Variants in KMT5B observed in about 807,000 individuals in gnomAD.
KMT5B encodes the protein histone-lysine N-methyltransferase KMT5B.
Under a neutral mutation model 83.2 loss-of-function variants are expected in KMT5B, and 10 were observed. That is an observed-to-expected ratio of 0.12 (90% CI 0.07 to 0.20). The LOEUF (loss-of-function observed/expected upper bound fraction) is 0.20. Among genes scored for constraint, KMT5B ranks in the 10% least tolerant of loss-of-function variants. KMT5B has a pLI of 1.00. For synonymous variants in KMT5B, 349 were observed against 388.8 expected, an observed-to-expected ratio of 0.90 and a Z score of 1.20; for missense variants, 753 against 1,067.2, an observed-to-expected ratio of 0.71 and a Z score of 4.10.
At chr11:68,180,088 A>C (rs769979626) in intron 4 of KMT5B, 44 bp downstream of exon 4, 2 of 1,541,232 alleles carry the variant, frequency 1.3e-6, no homozygotes. Context: ...AAAGGCTAGA[A>C]TGGGTTAGTC....
At position 68,158,843 on chromosome 11, in the gene KMT5B, T is replaced by A; in HGVS notation, c.1503A>T (p.Gln501His). 6.2e-7 allele frequency: 1 copy of A among 1,614,196 alleles called. No individual in the cohort carries two copies. Among genetic ancestry groups the A allele is most frequent in the Non-Finnish European group, 8.5e-7 (1 of 1,180,044 alleles). ...KKDKEPEGPA[Q>H]AAVASGCLTR... Reference sequence around the variant, plus strand: ...TCAAGCACCCGCTGGCAACTGCGGCTTGGGCTGGTCCCTCTGGCTCCTTAT... The same window carrying A: ...TCAAGCACCCGCTGGCAACTGCGGCATGGGCTGGTCCCTCTGGCTCCTTAT... Residue 501 changes from glutamine to histidine, a missense_variant, in exon 11 of 11, where the codon CAA (glutamine) becomes CAT (histidine). By Grantham distance (24) the Gln-to-His change is conservative (BLOSUM62 0). Coordinates refer to ENST00000304363, the MANE Select transcript of KMT5B (RefSeq NM_017635.5).
intron 1 of KMT5B, among the ~76,000 whole-genome samples, chr11:68,201,238 G>A (rs1859406460): frequency 6.6e-6 from 1 of 152,248 alleles, no homozygotes; most frequent in African/African-American, 2.4e-5. Context: ...GTTGCTGGGG[G>A]GAAGGATAAC....
intron 9 of KMT5B, 117 bp downstream of exon 9, chr11:68,170,897 TA>T: frequency 8.8e-7 from 1 of 1,135,256 alleles, no homozygotes. Context: ...GCCGCTATGC[TA>T]AAGAACATAA....
At chr11:68,180,347 G>GC (rs1220335965) in intron 3 of KMT5B, 147 bp from the exon 4 acceptor site, 2 of 1,055,130 alleles carry the variant, frequency 1.9e-6, no homozygotes, top group African/African-American at 3.2e-5. Flanking sequence ...CCACAGGTGG[G>GC]CGCGGCAGGA....
chr11:68,172,321 C>T (rs928237400), intron 6 of KMT5B, among the ~76,000 whole-genome samples: 7 of 152,094 alleles, frequency 4.6e-5, no homozygotes, highest in African/African-American at 1.4e-4. Flanking sequence ...CAACCTCTGC[C>T]TCCTGAGTTC....
At chr11:68,185,576 G>A (rs1281083086) in intron 3 of KMT5B, among the ~76,000 whole-genome samples, 2 of 152,202 alleles carry the variant, frequency 1.3e-5, no homozygotes, top group Non-Finnish European at 2.9e-5. Flanking sequence ...ATGTTCTGAG[G>A]TAAAATAAGA....
intron 1 of KMT5B, among the ~76,000 whole-genome samples, chr11:68,210,871 G>C (rs1431509701): frequency 6.6e-6 from 1 of 152,174 alleles, no homozygotes; most frequent in Non-Finnish European, 1.5e-5. Context: ...CCACGGAGAA[G>C]GATTTTGCCA....
chr11:68,167,896 G>T (rs1369221277), intron 9 of KMT5B, among the ~76,000 whole-genome samples: 2 of 152,184 alleles, frequency 1.3e-5, no homozygotes, highest in East Asian at 3.8e-4. Context: ...AGTGGGCCAG[G>T]CATGGTGGCT....
chr11:68,209,421 A>T (rs1216553412), intron 1 of KMT5B, among the ~76,000 whole-genome samples: 1 of 152,170 alleles, frequency 6.6e-6, no homozygotes, highest in Admixed American at 6.6e-5. Flanking sequence ...AGGGGAAAAA[A>T]AGTTAACAGG....
At chr11:68,162,455 TAAG>T (rs1459843350) in intron 10 of KMT5B, among the ~76,000 whole-genome samples, 1 of 152,206 alleles carries the variant, frequency 6.6e-6, no homozygotes, top group African/African-American at 2.4e-5. Context: ...CATCCCCCTG[TAAG>T]ACTCAGCTTA....
At chr11:68,165,862 C>CT in intron 10 of KMT5B, 11 of 1,612,874 alleles carry the variant, frequency 6.8e-6, no homozygotes, top group South Asian at 1.1e-5. Context: ...TGCTTGGACT[C>CT]TGACTCCCAG....
At chr11:68,163,771 C>T (rs567513083) in intron 10 of KMT5B, among the ~76,000 whole-genome samples, 4 of 152,312 alleles carry the variant, frequency 2.6e-5, no homozygotes, top group East Asian at 1.9e-4. Context: ...CTACCTGGAA[C>T]GGGGTGTTAG....
intron 4 of KMT5B, among the ~76,000 whole-genome samples, chr11:68,179,160 T>C (rs1325973637): frequency 6.8e-6 from 1 of 147,274 alleles, no homozygotes; most frequent in African/African-American, 2.5e-5. Context: ...CAGAGACAGC[T>C]CTAGCTTGTA....
At chr11:68,172,848 A>C (rs1445190362) in intron 6 of KMT5B, among the ~76,000 whole-genome samples, 4 of 152,142 alleles carry the variant, frequency 2.6e-5, no homozygotes, top group Admixed American at 2.6e-4. Flanking sequence ...GAGGCCTGGC[A>C]ATAAAGTTCT....
At chr11:68,168,609 T>C (rs1855545173) in intron 9 of KMT5B, among the ~76,000 whole-genome samples, 2 of 152,374 alleles carry the variant, frequency 1.3e-5, no homozygotes, top group South Asian at 2.1e-4. Context: ...GTGCTGGGAT[T>C]ATAGGCGTGA....
intron 10 of KMT5B, chr11:68,164,731 C>A: frequency 2.0e-6 from 1 of 497,628 alleles, no homozygotes; most frequent in South Asian, 1.5e-5. Flanking sequence ...GCAGTCCCTG[C>A]AAAATGTACA....
rs1378125745 is a variant in KMT5B, at chr11:68,197,912, G to C, written c.-76-7760C>G. On this transcript the variant is annotated intron_variant, in intron 1 of 10. Coordinates refer to ENST00000304363, the MANE Select transcript of KMT5B (RefSeq NM_017635.5). ...TTCTAATGAAGCTATCAATAATTTG[G>C]GGGCTATTTAAAAAAATTTTCAGCT... Among the ~76,000 whole-genome samples, 3 of 152,004 alleles carry C rather than the reference G, an allele frequency of 2.0e-5. No individual in the cohort carries two copies. In the East Asian group the frequency reaches 5.8e-4, roughly 29 times the overall value.
At chr11:68,187,602 A>G (rs945300319) in intron 2 of KMT5B, among the ~76,000 whole-genome samples, 2 of 152,154 alleles carry the variant, frequency 1.3e-5, no homozygotes, top group African/African-American at 4.8e-5. Context: ...ACGGTCTAGC[A>G]TATGTTCTAT....
chr11:68,178,059 C>T (rs1014221426), intron 4 of KMT5B, among the ~76,000 whole-genome samples: 5 of 152,274 alleles, frequency 3.3e-5, no homozygotes, highest in African/African-American at 9.6e-5. Context: ...ACAGATAACC[C>T]GTGCTTTGTG....
Sources: gnomAD v4.1 joint callset for allele counts (sites outside exome capture counted in the v4.1 genomes callset) on GRCh38, gnomAD v4.1.1 for gene constraint, MANE v1.5 for transcripts, NCBI Gene and HGNC (gene_info 2026-07-23, HGNC 2026-07-21) for gene names.